Variants in RBFOX1 observed in about 807,000 individuals in gnomAD.
RBFOX1 encodes RNA binding fox-1 homolog 1, also known as RNA binding protein fox-1 homolog 1.
Under a neutral mutation model 57.7 loss-of-function variants are expected in RBFOX1, and 8 were observed. That is an observed-to-expected ratio of 0.14 (90% CI 0.08 to 0.25). The LOEUF (loss-of-function observed/expected upper bound fraction) is 0.25. Among genes scored for constraint, RBFOX1 ranks in the 10% least tolerant of loss-of-function variants. RBFOX1 has a pLI of 1.00. For missense variants in RBFOX1, 611 were observed against 548.5 expected, an observed-to-expected ratio of 1.11 and a Z score of -1.14; for synonymous variants, 326 against 222.4, an observed-to-expected ratio of 1.47 and a Z score of -4.15.
At chr16:6,345,984 A>G (rs2085312533) in intron 2 of RBFOX1, among the ~76,000 whole-genome samples, 1 of 152,212 alleles carries the variant, frequency 6.6e-6, no homozygotes, top group Non-Finnish European at 1.5e-5. Context: ...TCCAGGTCAC[A>G]GATAGGTGGG....
chr16:6,800,336 G>A (rs2085105808), intron 3 of RBFOX1, among the ~76,000 whole-genome samples: 1 of 152,114 alleles, frequency 6.6e-6, no homozygotes, highest in Non-Finnish European at 1.5e-5. Context: ...CAAAAGTCAG[G>A]GCTACCTATT....
At chr16:6,809,096 T>C (rs2087729667) in intron 3 of RBFOX1, among the ~76,000 whole-genome samples, 1 of 152,194 alleles carries the variant, frequency 6.6e-6, no homozygotes, top group Admixed American at 6.5e-5. Context: ...CTGCTAAGTG[T>C]TCAAAAAAGG....
At chr16:6,955,358 A>ACACG (rs146001067) in intron 3 of RBFOX1, among the ~76,000 whole-genome samples, 3 of 151,708 alleles carry the variant, frequency 2.0e-5, no homozygotes, top group African/African-American at 7.3e-5. Flanking sequence ...GCACACACAC[A>ACACG]CACACACACA....
chr16:6,235,501 C>G (rs1272830126), intron 1 of RBFOX1, among the ~76,000 whole-genome samples: 2 of 151,488 alleles, frequency 1.3e-5, no homozygotes, highest in African/African-American at 2.4e-5. Context: ...TAGAACCAGC[C>G]CAAATGCCCA....
intron 2 of RBFOX1, among the ~76,000 whole-genome samples, chr16:6,631,301 G>C (rs955780901): frequency 4.6e-5 from 7 of 152,090 alleles, no homozygotes; most frequent in Non-Finnish European, 8.8e-5. Flanking sequence ...GTGTGTACGA[G>C]AGACAGAGAT....
intron 4 of RBFOX1, among the ~76,000 whole-genome samples, chr16:7,477,188 C>T (rs1017303514): frequency 1.3e-5 from 2 of 152,142 alleles, no homozygotes; most frequent in African/African-American, 4.8e-5. Context: ...CTTGTGGATG[C>T]TAAAATCGGT....
intron 4 of RBFOX1, among the ~76,000 whole-genome samples, chr16:7,272,977 C>T (rs1319235843): frequency 1.8e-5 from 2 of 109,272 alleles, no homozygotes; most frequent in South Asian, 7.1e-4. Flanking sequence ...TTCTTTCCTT[C>T]CGTCCCTCCC....
intron 3 of RBFOX1, among the ~76,000 whole-genome samples, chr16:6,732,194 C>T (rs2068789782): frequency 1.3e-5 from 2 of 152,320 alleles, no homozygotes. Flanking sequence ...ACTTTCCCTG[C>T]TTACTCACAG....
At chr16:7,340,002 C>T (rs949132219) in intron 4 of RBFOX1, among the ~76,000 whole-genome samples, 3 of 152,158 alleles carry the variant, frequency 2.0e-5, no homozygotes, top group Non-Finnish European at 4.4e-5. Context: ...TTTAGAAATT[C>T]TCTTCCCAAC....
At chr16:5,470,796 C>G (rs1478397517) in intron 2 of RBFOX1, among the ~76,000 whole-genome samples, 1 of 152,102 alleles carries the variant, frequency 6.6e-6, no homozygotes, top group East Asian at 1.9e-4. Flanking sequence ...CATCTAGAGG[C>G]TTCTCCAGGC....
chr16:6,884,499 GC>G (rs544531489), intron 3 of RBFOX1, among the ~76,000 whole-genome samples: 129 of 152,284 alleles, frequency 8.5e-4, no homozygotes, highest in South Asian at 2.9e-3. Context: ...CCTACCATTT[GC>G]AAGGAACTGT....
chr16:5,450,974 G>A (rs148619859), intron 1 of RBFOX1, among the ~76,000 whole-genome samples: 6 of 152,274 alleles, frequency 3.9e-5, no homozygotes, highest in Admixed American at 2.0e-4. Context: ...GGCTGATCAC[G>A]GGCCATATCT....
intron 2 of RBFOX1, among the ~76,000 whole-genome samples, chr16:5,535,224 G>A (rs953400533): frequency 1.3e-5 from 2 of 152,162 alleles, no homozygotes; most frequent in South Asian, 2.1e-4. Context: ...AGCCACGTGT[G>A]GCTAGTGTTT....
At chr16:7,602,162 T>C (rs1279276911) in intron 9 of RBFOX1, among the ~76,000 whole-genome samples, 1 of 152,216 alleles carries the variant, frequency 6.6e-6, no homozygotes, top group South Asian at 2.1e-4. Flanking sequence ...CTTGGCCTTT[T>C]AACACCCAAT....
downstream of RBFOX1, among the ~76,000 whole-genome samples, chr16:5,602,389 A>G (rs985725937): frequency 6.6e-6 from 1 of 152,236 alleles, no homozygotes; most frequent in African/African-American, 2.4e-5. Flanking sequence ...AATAATTTTT[A>G]AAAAGATGTA....
intron 3 of RBFOX1, among the ~76,000 whole-genome samples, chr16:6,961,145 C>CACCCACACACACACACACA (rs142889433): frequency 1.1e-4 from 16 of 143,772 alleles, no homozygotes; most frequent in African/African-American, 3.9e-4. Flanking sequence ...TCACACACAC[C>CACCCACACACACACACACA]CACACAGACA....
chr16:6,182,562 G>T (rs1012488908), intron 1 of RBFOX1, among the ~76,000 whole-genome samples: 3 of 151,990 alleles, frequency 2.0e-5, no homozygotes, highest in Non-Finnish European at 2.9e-5. Flanking sequence ...ACTTTGTATT[G>T]AATTGGTCTA....
intron 2 of RBFOX1, among the ~76,000 whole-genome samples, chr16:6,354,797 A>G (rs1321063048): frequency 1.3e-5 from 2 of 152,208 alleles, no homozygotes; most frequent in Non-Finnish European, 2.9e-5. Flanking sequence ...ACAAAAATTC[A>G]TGGCACTTAC....
chr16:7,615,830 C>T (rs190968437), intron 10 of RBFOX1, among the ~76,000 whole-genome samples: 7 of 152,240 alleles, frequency 4.6e-5, no homozygotes, highest in African/African-American at 7.2e-5. Flanking sequence ...GACCACAAAT[C>T]GTTATCTGGC....
Sources: gnomAD v4.1 joint callset for allele counts (sites outside exome capture counted in the v4.1 genomes callset) on GRCh38, gnomAD v4.1.1 for gene constraint, MANE v1.5 for transcripts, NCBI Gene and HGNC (gene_info 2026-07-23, HGNC 2026-07-21) for gene names.